Variants in PTPRD observed in about 807,000 individuals in gnomAD.
PTPRD encodes protein tyrosine phosphatase receptor type D.
In PTPRD, 34 loss-of-function variants were observed where a neutral mutation model predicts 214.5. The observed-to-expected ratio is 0.16, with a 90% confidence interval of 0.12 to 0.21. The LOEUF is 0.21. Among genes scored for constraint, PTPRD ranks in the 10% least tolerant of loss-of-function variants. PTPRD has a pLI of 1.00. For synonymous variants in PTPRD, 1,128 were observed against 845.7 expected, an observed-to-expected ratio of 1.33 and a Z score of -5.79; for missense variants, 2,545 against 2,398.7, an observed-to-expected ratio of 1.06 and a Z score of -1.27.
intron 17 of PTPRD, among the ~76,000 whole-genome samples, chr9:8,526,401 T>A (rs964295306): frequency 1.3e-5 from 2 of 150,068 alleles, no homozygotes; most frequent in African/African-American, 4.9e-5. Context: ...ACAACTTAAA[T>A]AATCATTTTC....
At chr9:9,458,931 C>A (rs1037500229) in intron 8 of PTPRD, among the ~76,000 whole-genome samples, 1 of 152,022 alleles carries the variant, frequency 6.6e-6, no homozygotes, top group Non-Finnish European at 1.5e-5. Context: ...CAGAGCAAGA[C>A]CCTGTCTAAA....
At chr9:8,360,396 G>A (rs945273562) in intron 39 of PTPRD, among the ~76,000 whole-genome samples, 1 of 152,094 alleles carries the variant, frequency 6.6e-6, no homozygotes, top group African/African-American at 2.4e-5. Context: ...TTTAAAAACT[G>A]GTGAATCTAA....
chr9:10,585,503 C>T (rs1440894313), intron 2 of PTPRD, among the ~76,000 whole-genome samples: 1 of 151,950 alleles, frequency 6.6e-6, no homozygotes, highest in African/African-American at 2.4e-5. Flanking sequence ...ATGAATATTT[C>T]AAACCCAAAG....
intron 11 of PTPRD, among the ~76,000 whole-genome samples, chr9:8,840,760 T>C (rs1228230483): frequency 2.0e-5 from 3 of 152,192 alleles, no homozygotes; most frequent in African/African-American, 7.2e-5. Flanking sequence ...TTCTTAATTT[T>C]TTTTTTACAC....
intron 11 of PTPRD, chr9:8,860,746 G>C (rs73433146): frequency 3.3e-5 from 5 of 152,090 alleles, no homozygotes; most frequent in African/African-American, 1.2e-4. Context: ...ATCAGAAGCA[G>C]GCTAATCTTT....
At chr9:8,651,555 C>T (rs1025070164) in intron 12 of PTPRD, among the ~76,000 whole-genome samples, 2 of 152,120 alleles carry the variant, frequency 1.3e-5, no homozygotes, top group African/African-American at 2.4e-5. Context: ...TAATGTAGTT[C>T]TTTTGCTTTT....
chr9:9,867,192 C>T (rs902258323), intron 5 of PTPRD, among the ~76,000 whole-genome samples: 5 of 152,060 alleles, frequency 3.3e-5, no homozygotes, highest in Non-Finnish European at 7.4e-5. Flanking sequence ...GATTAGAACC[C>T]AAGTCTCCTG....
At chr9:10,607,398 CT>C (rs1591898010) in intron 2 of PTPRD, among the ~76,000 whole-genome samples, 2 of 151,750 alleles carry the variant, frequency 1.3e-5, no homozygotes, top group Admixed American at 6.6e-5. Flanking sequence ...CACTTTTAAA[CT>C]TTTGAGTACA....
At chr9:9,598,993 A>G (rs2093567897) in intron 7 of PTPRD, among the ~76,000 whole-genome samples, 1 of 152,046 alleles carries the variant, frequency 6.6e-6, no homozygotes, top group African/African-American at 2.4e-5. Flanking sequence ...CTAATACATG[A>G]GAATAATATT....
intron 5 of PTPRD, among the ~76,000 whole-genome samples, chr9:9,795,078 C>G (rs1421777689): frequency 1.3e-5 from 2 of 152,170 alleles, no homozygotes; most frequent in Non-Finnish European, 1.5e-5. Context: ...CTTGCGTGGG[C>G]TTCACATGAT....
intron 9 of PTPRD, among the ~76,000 whole-genome samples, chr9:9,392,145 T>C (rs2066058457): frequency 1.3e-5 from 2 of 152,214 alleles, no homozygotes; most frequent in Non-Finnish European, 2.9e-5. Flanking sequence ...ATGGTCTTGC[T>C]GGACAACTGA....
chr9:9,411,902 G>A (rs1489489897), intron 8 of PTPRD, among the ~76,000 whole-genome samples: 1 of 152,124 alleles, frequency 6.6e-6, no homozygotes, highest in Non-Finnish European at 1.5e-5. Context: ...CTGCAAGCAA[G>A]AGGGACCTGT....
intron 8 of PTPRD, among the ~76,000 whole-genome samples, chr9:9,483,831 C>T (rs1021294668): frequency 4.9e-5 from 7 of 144,238 alleles, no homozygotes; most frequent in South Asian, 2.2e-4. Context: ...AAAATTCGTT[C>T]TCTGTTTGGA....
intron 2 of PTPRD, among the ~76,000 whole-genome samples, chr9:10,515,625 G>A (rs150795414): frequency 2.8e-4 from 42 of 152,008 alleles, no homozygotes; most frequent in Non-Finnish European, 5.6e-4. Flanking sequence ...CTTCTTAACA[G>A]ATTTTTAAAA....
At chr9:10,456,605 A>T (rs1466663231) in intron 2 of PTPRD, among the ~76,000 whole-genome samples, 5 of 151,852 alleles carry the variant, frequency 3.3e-5, no homozygotes, top group Non-Finnish European at 1.5e-5. Context: ...AAAGAACACA[A>T]ATTCTGGCAA....
intron 10 of PTPRD, among the ~76,000 whole-genome samples, chr9:9,027,553 A>G (rs973393672): frequency 6.6e-6 from 1 of 151,934 alleles, no homozygotes; most frequent in Non-Finnish European, 1.5e-5. Flanking sequence ...GGGGCTTTCA[A>G]CCAAATTAAT....
chr9:10,546,213 T>TC (rs1004261658), intron 2 of PTPRD, among the ~76,000 whole-genome samples: 15 of 151,402 alleles, frequency 9.9e-5, no homozygotes, highest in African/African-American at 3.4e-4. Flanking sequence ...TATTTTTTTT[T>TC]CTATGTAACA....
At chr9:10,147,811 C>T (rs1475003640) in intron 3 of PTPRD, among the ~76,000 whole-genome samples, 5 of 152,114 alleles carry the variant, frequency 3.3e-5, no homozygotes, top group Admixed American at 1.3e-4. Context: ...ACCCGGGAGG[C>T]GGAGGTTGCA....
rs182477644 is a variant in PTPRD, at chr9:9,834,557, A to G, written c.-367-67706T>C. On this transcript the variant is annotated intron_variant, in intron 5 of 45. Transcript: ENST00000381196. Reference sequence around the variant, plus strand: ...CCTAAGTATGCATTTGGAAAAGATAACAGCCACCAGCAGGATTATTTTACT... The same window carrying G: ...CCTAAGTATGCATTTGGAAAAGATAGCAGCCACCAGCAGGATTATTTTACT... Among the ~76,000 whole-genome samples, 315 of 152,162 alleles carry G rather than the reference A, an allele frequency of 2.1e-3. 2 individuals carry two copies. The highest frequency in any genetic ancestry group is 7.2e-3 in the African/African-American group (300 of 41,538).
Sources: gnomAD v4.1 joint callset for allele counts (sites outside exome capture counted in the v4.1 genomes callset) on GRCh38, gnomAD v4.1.1 for gene constraint, MANE v1.5 for transcripts, NCBI Gene and HGNC (gene_info 2026-07-23, HGNC 2026-07-21) for gene names.